The following TECPR2 variants were observed in gnomAD, a reference collection of about 807,000 sequenced individuals.
TECPR2 encodes the protein tectonin beta-propeller repeat containing 2.
Under a neutral mutation model 138.1 loss-of-function variants are expected in TECPR2, and 65 were observed. The observed-to-expected ratio is 0.47, with a 90% confidence interval of 0.39 to 0.58. The LOEUF is 0.58. TECPR2 is among the 20% of genes least tolerant of loss of function. The pLI, the probability that TECPR2 is intolerant of heterozygous loss-of-function variation, is 0.00. For synonymous variants in TECPR2, 746 were observed against 749.8 expected (o/e 0.99, Z 0.08); for missense variants, 1,553 against 1,824.5 (o/e 0.85, Z 2.71).
At chr14:102,492,305 T>C (rs535230825) in intron 17 of TECPR2, among the ~76,000 whole-genome samples, 52 of 152,330 alleles carry the variant, frequency 3.4e-4, no homozygotes, top group African/African-American at 1.3e-3. Context: ...CACTATGCCA[T>C]GAGCTTCCGT....
chr14:102,419,140 G>A lies in TECPR2; in HGVS notation c.638+4347G>A, dbSNP rs1192975986. 6.6e-6 allele frequency among the ~76,000 whole-genome samples: 1 copy of A among 152,096 alleles called. No individual in the cohort carries two copies. On this transcript the variant is annotated intron_variant, in intron 5 of 19. Coordinates refer to ENST00000359520, the MANE Select transcript of TECPR2 (RefSeq NM_014844.5). This position sits in a 1 kb window ranked among gnomAD's most constrained non-coding sequence, Gnocchi z 4.8. ...GTGTTCTGAAGAGGAAAGGGCATCA[G>A]GAGAGAACAGGAGTTGGGGGGTCAG...
intron 17 of TECPR2, among the ~76,000 whole-genome samples, chr14:102,481,450 G>A (rs1209745258): frequency 6.6e-6 from 1 of 152,176 alleles, no homozygotes; most frequent in African/African-American, 2.4e-5. Flanking sequence ...CACCGAGCCT[G>A]GTTTTTATTT....
chr14:102,453,082 T>C (rs1890188892), intron 16 of TECPR2, among the ~76,000 whole-genome samples: 1 of 152,144 alleles, frequency 6.6e-6, no homozygotes, highest in African/African-American at 2.4e-5. Flanking sequence ...AGGTGCTAGC[T>C]CTCCTTCAGC....
At chr14:102,404,312 A>G (rs1888588248) in intron 2 of TECPR2, among the ~76,000 whole-genome samples, 1 of 152,182 alleles carries the variant, frequency 6.6e-6, no homozygotes, top group Non-Finnish European at 1.5e-5. Flanking sequence ...GAGTTTTAGA[A>G]TATAAAAATT....
intron 17 of TECPR2, among the ~76,000 whole-genome samples, chr14:102,485,798 C>T (rs183682330): frequency 3.9e-5 from 6 of 152,160 alleles, no homozygotes; most frequent in Admixed American, 6.5e-5. Context: ...GGTGCTTCCC[C>T]GAGCCTGTCT....
At chr14:102,364,872 G>A (rs1037975873) in intron 1 of TECPR2, among the ~76,000 whole-genome samples, 4 of 152,162 alleles carry the variant, frequency 2.6e-5, no homozygotes, top group Admixed American at 2.6e-4. Flanking sequence ...TCAGGAAAGG[G>A]TTATAATGAA....
intron 17 of TECPR2, among the ~76,000 whole-genome samples, chr14:102,487,260 C>T (rs1056662541): frequency 3.3e-5 from 5 of 152,228 alleles, no homozygotes; most frequent in Admixed American, 2.0e-4. Context: ...CAAAAACCCT[C>T]GGTCCACCCT....
At chr14:102,389,463 G>T (rs1888107222) in intron 2 of TECPR2, among the ~76,000 whole-genome samples, 1 of 152,222 alleles carries the variant, frequency 6.6e-6, no homozygotes, top group African/African-American at 2.4e-5. Flanking sequence ...TAGAGCTTTA[G>T]TAATTAAGGG....
chr14:102,400,668 CA>C (rs1191670009), intron 2 of TECPR2, among the ~76,000 whole-genome samples: 1 of 152,036 alleles, frequency 6.6e-6, no homozygotes, highest in East Asian at 1.9e-4. Flanking sequence ...AATGTACCCC[CA>C]AAAATCAACT....
intron 5 of TECPR2, among the ~76,000 whole-genome samples, chr14:102,423,512 G>A (rs1360135006): frequency 1.3e-5 from 2 of 151,618 alleles, no homozygotes; most frequent in South Asian, 2.1e-4. Context: ...GCTATTGTTA[G>A]TGTATTTTAT....
In TECPR2 at chr14:102,479,833, A is replaced by T. The variant is rs114850754; in HGVS notation, c.3789+14544A>T. 5.8e-3 allele frequency among the ~76,000 whole-genome samples: 887 copies of T among 152,276 alleles called. 5 individuals are homozygous for T. Among genetic ancestry groups the T allele is most frequent in the African/African-American group, 0.02 (849 of 41,550 alleles). Reference sequence around the variant, plus strand: ...CATGATACTGCAAGACTTCCTTCCCAGCTGGCCTGCACGCAGGTGCCTTGG... The same window carrying T: ...CATGATACTGCAAGACTTCCTTCCCTGCTGGCCTGCACGCAGGTGCCTTGG... On this transcript the variant is annotated intron_variant, in intron 17 of 19. Transcript: ENST00000359520.
chr14:102,498,022 C>CGCCCAAGCTCCCAGCTCCAGCTGT, intron 19 of TECPR2, 81 bp from the exon 20 acceptor site: 2 of 1,510,190 alleles, frequency 1.3e-6, no homozygotes, highest in Non-Finnish European at 1.8e-6. Flanking sequence ...CCCAGACCTG[C>CGCCCAAGCTCCCAGCTCCAGCTGT]GCCCAAGCTC....
chr14:102,408,033 G>A (rs753575390), intron 3 of TECPR2, among the ~76,000 whole-genome samples: 1 of 152,046 alleles, frequency 6.6e-6, no homozygotes, highest in South Asian at 2.1e-4. Flanking sequence ...GCTGGGCGTG[G>A]TGGTGCGTGC....
In TECPR2 at chr14:102,419,101, A is replaced by G. The variant is rs957886055; in HGVS notation, c.638+4308A>G. ...TGCAGACAGGAGCTCGCCTAGGGAG[A>G]TTTGGGCAGGCTTGTGTTCTGAAGA... On this transcript the variant is annotated intron_variant, in intron 5 of 19. Coordinates refer to ENST00000359520, the MANE Select transcript of TECPR2 (RefSeq NM_014844.5). This position sits in a 1 kb window ranked among gnomAD's most constrained non-coding sequence, Gnocchi z 4.8. Among the ~76,000 whole-genome samples the G allele has an allele frequency of 2.0e-5, 3 of 151,760 alleles. No homozygotes were observed. The highest frequency in any genetic ancestry group is 2.9e-5 in the Non-Finnish European group (2 of 67,966).
intron 2 of TECPR2, among the ~76,000 whole-genome samples, chr14:102,382,702 T>C (rs1887871581): frequency 1.3e-5 from 2 of 152,232 alleles, no homozygotes; most frequent in Non-Finnish European, 2.9e-5. Flanking sequence ...TTCCAGGCCC[T>C]TGTGTTTTAC....
At chr14:102,436,329 T>C (rs1889671609) in intron 9 of TECPR2, among the ~76,000 whole-genome samples, 1 of 150,498 alleles carries the variant, frequency 6.6e-6, no homozygotes, top group Non-Finnish European at 1.5e-5. Flanking sequence ...TTTTTTTTTT[T>C]TTTTTCTGAG....
rs574765040 is a variant in TECPR2, at chr14:102,443,206, G to A, written c.2753-441G>A. On this transcript the variant is annotated intron_variant, in intron 11 of 19. Transcript: ENST00000359520. This position sits in a 1 kb window ranked among gnomAD's most constrained non-coding sequence, Gnocchi z 4.9. ...TCCATCTGGCCACTCTCCTGCTCTTGGCTTTTGTGTTCTTCTCTTAGAACT... is the reference window on the plus strand; with the variant it reads ...TCCATCTGGCCACTCTCCTGCTCTTAGCTTTTGTGTTCTTCTCTTAGAACT... Among the ~76,000 whole-genome samples, 28 of 152,346 alleles carry A rather than the reference G, an allele frequency of 1.8e-4. 1 individual carries two copies. The highest frequency in any genetic ancestry group is 5.5e-4 in the African/African-American group (23 of 41,578).
intron 4 of TECPR2, among the ~76,000 whole-genome samples, chr14:102,413,812 T>C (rs1395983202): frequency 6.6e-6 from 1 of 152,106 alleles, no homozygotes; most frequent in Non-Finnish European, 1.5e-5. Context: ...TTTTTTTCTT[T>C]TTTAAAGACA....
At chr14:102,398,983 T>C (rs7140484) in intron 2 of TECPR2, among the ~76,000 whole-genome samples, 58,356 of 151,522 alleles carry the variant, frequency 0.39, 11,430 homozygotes, top group Middle Eastern at 0.5. Context: ...TTTGGAGGGG[T>C]CAGGTGCAGT....
Sources: gnomAD v4.1 joint callset for allele counts (sites outside exome capture counted in the v4.1 genomes callset) on GRCh38, gnomAD v4.1.1 for gene constraint, Gnocchi (gnomAD v3.1) non-coding constraint, MANE v1.5 for transcripts, NCBI Gene and HGNC (gene_info 2026-07-23, HGNC 2026-07-21) for gene names.